ULK2: variants seen among roughly 807,000 people sequenced by gnomAD.
ULK2 encodes the protein serine/threonine-protein kinase ULK2.
Under a neutral mutation model 127.5 loss-of-function variants are expected in ULK2, and 76 were observed. The ratio of observed to expected loss-of-function variants is 0.60; its 90% CI spans 0.50 to 0.72. ULK2 has a LOEUF of 0.72. Among genes scored for constraint, ULK2 ranks in the 30% least tolerant of loss-of-function variants. The pLI, the probability that ULK2 is intolerant of heterozygous loss-of-function variation, is 0.00. For synonymous variants in ULK2, 452 were observed against 461.9 expected (o/e 0.98, Z 0.28); for missense variants, 1,144 against 1,295.9 (o/e 0.88, Z 1.80).
chr17:19,805,268 G>C (rs2087491039), intron 14 of ULK2, among the ~76,000 whole-genome samples: 1 of 152,328 alleles, frequency 6.6e-6, no homozygotes, highest in South Asian at 2.1e-4. Context: ...AAAGAGCTCT[G>C]ACTTTATGAA....
chr17:19,836,608 A>AAAAAC (rs1203585027), intron 10 of ULK2, among the ~76,000 whole-genome samples: 8 of 151,816 alleles, frequency 5.3e-5, no homozygotes, highest in Non-Finnish European at 1.0e-4. Context: ...TTCGTCTCGA[A>AAAAAC]AAAACAAAAC....
intron 20 of ULK2, among the ~76,000 whole-genome samples, chr17:19,794,336 TGAGA>T (rs1360843823): frequency 6.6e-6 from 1 of 151,780 alleles, no homozygotes; most frequent in Admixed American, 6.6e-5. Flanking sequence ...ACCAGAAGAA[TGAGA>T]GAGAGAAGCA....
At chr17:19,806,211 G>C (rs2152387553) in intron 14 of ULK2, among the ~76,000 whole-genome samples, 1 of 152,214 alleles carries the variant, frequency 6.6e-6, no homozygotes, top group Middle Eastern at 3.4e-3. Flanking sequence ...AACCAACACA[G>C]TCATCAATTA....
At chr17:19,831,976 T>C (rs924929576) in intron 10 of ULK2, among the ~76,000 whole-genome samples, 10 of 151,674 alleles carry the variant, frequency 6.6e-5, no homozygotes, top group African/African-American at 2.2e-4. Context: ...AAATACAAAA[T>C]AGCCAGGTGT....
chr17:19,858,969 C>CA (rs962665116), intron 3 of ULK2, among the ~76,000 whole-genome samples: 4 of 149,240 alleles, frequency 2.7e-5, no homozygotes, highest in African/African-American at 7.4e-5. Context: ...AACTCCGTCT[C>CA]AAAAAAAAAG....
intron 10 of ULK2, 45 bp downstream of exon 10, chr17:19,838,456 A>C (rs370468071): frequency 8.9e-5 from 134 of 1,509,610 alleles, no homozygotes; most frequent in Middle Eastern, 3.4e-4. Flanking sequence ...CGGCATATAT[A>C]ACAATAAAAT....
At chr17:19,814,456 T>TTTTGTTTGTTTGTTTG (rs1555557156) in intron 13 of ULK2, among the ~76,000 whole-genome samples, 2 of 18,250 alleles carry the variant, frequency 1.1e-4, no homozygotes, top group Admixed American at 1.0e-3. Context: ...TTTTTTTTTT[T>TTTTGTTTGTTTGTTTG]TTTTTTTGGA....
intron 21 of ULK2, among the ~76,000 whole-genome samples, chr17:19,784,756 C>T (rs911398978): frequency 6.6e-6 from 1 of 151,856 alleles, no homozygotes; most frequent in Non-Finnish European, 1.5e-5. Flanking sequence ...AAACTCCTGA[C>T]CTCAAGTGAT....
In ULK2 at chr17:19,863,392, C is replaced by A. The variant is rs188558877; in HGVS notation, c.225+1411G>T. On this transcript the variant is annotated intron_variant, in intron 3 of 26. Coordinates refer to ENST00000395544, the MANE Select transcript of ULK2 (RefSeq NM_014683.4). ...TTATGTAAATCATCATGCTGACCTG[C>A]CCTGCAGTGACAGTGGAGAAAAAAC... Among the ~76,000 whole-genome samples, 6 of 152,112 alleles carry A rather than the reference C, an allele frequency of 3.9e-5. No homozygotes were observed. The East Asian group carries it at 9.6e-4, about 24-fold the overall frequency.
intron 3 of ULK2, among the ~76,000 whole-genome samples, chr17:19,850,773 C>T (rs1597809928): frequency 1.3e-5 from 2 of 151,622 alleles, no homozygotes; most frequent in Non-Finnish European, 2.9e-5. Flanking sequence ...TGCAGTGAGC[C>T]GAGATCATCG....
intron 12 of ULK2, among the ~76,000 whole-genome samples, chr17:19,819,713 T>A (rs1297604803): frequency 6.6e-6 from 1 of 152,210 alleles, no homozygotes; most frequent in Non-Finnish European, 1.5e-5. Context: ...AGCCGGCCAT[T>A]GTCACCAGCA....
At chr17:19,854,645 A>G (rs920274129) in intron 3 of ULK2, among the ~76,000 whole-genome samples, 1 of 152,176 alleles carries the variant, frequency 6.6e-6, no homozygotes, top group East Asian at 1.9e-4. Context: ...TAAGTTCCAG[A>G]GATCAAAAAT....
At chr17:19,800,179 G>A (rs1002236322) in intron 16 of ULK2, among the ~76,000 whole-genome samples, 4 of 152,152 alleles carry the variant, frequency 2.6e-5, no homozygotes, top group African/African-American at 9.7e-5. Context: ...TTGGACCTAT[G>A]TCTTGGTCTG....
Position 19,817,168 on chromosome 17 carries a change from C to T in ULK2, c.925-248G>A, listed in dbSNP as rs537988818. ...TTAAAAATATATCGTACCACTTATCCGCATGTACTTGCCTCCCTCTCCTGA... is the reference window on the plus strand; with the variant it reads ...TTAAAAATATATCGTACCACTTATCTGCATGTACTTGCCTCCCTCTCCTGA... On this transcript the variant is annotated intron_variant, in intron 12 of 26. Transcript: ENST00000395544. 3.0e-4 allele frequency among the ~76,000 whole-genome samples: 46 copies of T among 152,214 alleles called. 1 individual carries two copies. In the South Asian group the frequency reaches 9.3e-3, roughly 31 times the overall value.
rs988369334 is a variant in ULK2, at chr17:19,775,735, A to G, written c.*614T>C. 3 of 152,676 alleles carry G rather than the reference A, an allele frequency of 2.0e-5. No individual in the cohort carries two copies. The highest frequency in any genetic ancestry group is 4.4e-5 in the Non-Finnish European group (3 of 68,052). 9.5% of individuals were successfully genotyped at this position (152,676 alleles called of 1,614,324 possible). A position where few individuals can be genotyped will look rare whatever the true frequency, so the allele number is the denominator to read the frequency against. ...AGTTAAATTACAAAATCCAATACAC[A>G]GTTGTTTTAATAAATTAGTGCAATA... is the stretch of plus-strand genomic sequence containing the variant. On this transcript the variant is annotated 3_prime_UTR_variant, in exon 27 of 27. Coordinates refer to ENST00000395544, the MANE Select transcript of ULK2 (RefSeq NM_014683.4).
At chr17:19,844,046 C>T (rs1000596771) in intron 7 of ULK2, among the ~76,000 whole-genome samples, 4 of 152,006 alleles carry the variant, frequency 2.6e-5, no homozygotes, top group Admixed American at 1.3e-4. Context: ...TAGGTGTTTG[C>T]TATATTATTC....
Position 19,861,631 on chromosome 17 carries a change from T to C in ULK2, c.225+3172A>G, listed in dbSNP as rs1042035477. Among the ~76,000 whole-genome samples, 19 of 152,302 alleles carry C rather than the reference T, an allele frequency of 1.2e-4. No individual in the cohort carries two copies. The South Asian group carries it at 3.5e-3, about 28-fold the overall frequency. On this transcript the variant is annotated intron_variant, in intron 3 of 26. Coordinates refer to ENST00000395544, the MANE Select transcript of ULK2 (RefSeq NM_014683.4). ...CAGGGTTTTCTGTATCTCTCCAAGA[T>C]TGGGAAACTAAAGAGTTAACATTAT...
chr17:19,778,593 C>T (rs758674078), intron 25 of ULK2, among the ~76,000 whole-genome samples: 1 of 152,120 alleles, frequency 6.6e-6, no homozygotes, highest in Non-Finnish European at 1.5e-5. Context: ...TATGCTATAT[C>T]TTGTTTTTGT....
At chr17:19,841,343 A>G in intron 9 of ULK2, 146 bp downstream of exon 9, 1 of 757,796 alleles carries the variant, frequency 1.3e-6, no homozygotes, top group Non-Finnish European at 2.1e-6. Flanking sequence ...ATGATGTGCC[A>G]GCAATTTTCT....
Sources: allele counts gnomAD v4.1 joint callset (sites outside exome capture counted in the v4.1 genomes callset), GRCh38; gene constraint gnomAD v4.1.1; transcripts MANE v1.5; gene names NCBI Gene and HGNC (gene_info 2026-07-23, HGNC 2026-07-21).